UBQLN3: variants seen among roughly 807,000 people sequenced by gnomAD.
UBQLN3 encodes ubiquilin-3.
A neutral mutation model predicts 2.9 loss-of-function variants in UBQLN3; 1 was observed. That is an observed-to-expected ratio of 0.35 (90% CI 0.12 to 1.66). UBQLN3 has a LOEUF of 1.66. UBQLN3 is among the 40% of genes most tolerant of loss of function. The pLI is 0.35. For synonymous variants in UBQLN3, 358 were observed against 317.6 expected (o/e 1.13, Z -1.35); for missense variants, 924 against 816.5 (o/e 1.13, Z -1.61).
rs757904611 is a variant in UBQLN3, at chr11:5,508,329, T to G, written c.1230A>C (p.Pro410=). Reference sequence around the variant, plus strand: ...TCTCTGTGGGGTATCTCAGGAAAGCTGGGCAGGAGGACCTTCCCTTGATTG... The same window carrying G: ...TCTCTGTGGGGTATCTCAGGAAAGCGGGGCAGGAGGACCTTCCCTTGATTG... ...SVAIKGRSSC[P]AFLRYPTENS... is the part of the protein sequence containing the mutation. The change falls in exon 2 of 2, where the codon CCA becomes CCC. Residue 410 remains proline (P), a synonymous_variant. Coordinates refer to ENST00000311659, the MANE Select transcript of UBQLN3 (RefSeq NM_017481.4). The surrounding 1 kb of genome is among the most constrained non-coding windows in gnomAD (Gnocchi z 4.2). 6.2e-7 allele frequency: 1 copy of G among 1,609,372 alleles called. No individual in the cohort carries two copies. The highest frequency in any genetic ancestry group is 2.2e-5 in the East Asian group (1 of 44,754).
chr11:5,508,647 G>C lies in UBQLN3; in HGVS notation c.912C>G (p.Asn304Lys), dbSNP rs991166968. 2.0e-5 allele frequency: 33 copies of C among 1,613,954 alleles called. No individual in the cohort carries two copies. Among genetic ancestry groups the C allele is most frequent in the Non-Finnish European group, 2.5e-5 (30 of 1,180,016 alleles). The change falls in exon 2 of 2, where the codon AAC (asparagine) becomes AAG (lysine). Residue 304 changes from asparagine to lysine, a missense_variant. Coordinates refer to ENST00000311659, the MANE Select transcript of UBQLN3 (RefSeq NM_017481.4). This position sits in a 1 kb window ranked among gnomAD's most constrained non-coding sequence, Gnocchi z 4.2. ...SRMENCDPLPNPWTSTHGGSG... is the reference protein window; with the variant it reads ...SRMENCDPLPKPWTSTHGGSG... The stretch of plus-strand genomic sequence containing the variant: ...AGCCTCCATGTGTGGAAGTCCAGGG[G>C]TTGGGGAGAGGGTCACAATTCTCCA...
rs1846391253 is a variant in UBQLN3 at position 5,507,394 on chromosome 11, ACT to A, written c.*195_*196del. On this transcript the variant is annotated 3_prime_UTR_variant, in exon 2 of 2. Transcript: ENST00000311659. ...AGTGGTATAGTGGTACAAGTGGTTGACTCACACACAGCACCTCCACTATGTTT... is the reference window on the plus strand; with the variant it reads ...AGTGGTATAGTGGTACAAGTGGTTGACACACACAGCACCTCCACTATGTTT... The A allele has an allele frequency of 1.8e-6, 2 of 1,124,276 alleles. No individual in the cohort carries two copies. The highest frequency in any genetic ancestry group is 1.6e-5 in the African/African-American group (1 of 63,662). The allele number at this position is 1,124,276 out of a possible 1,614,324, so 69.6% of individuals were successfully genotyped here. A position where few individuals can be genotyped will look rare whatever the true frequency, so the allele number is the denominator to read the frequency against.
In UBQLN3 at chr11:5,509,194, G is replaced by A; in HGVS notation, c.365C>T (p.Ser122Phe). 1 of 1,614,064 alleles carries A rather than the reference G, an allele frequency of 6.2e-7. No individual in the cohort carries two copies. Among genetic ancestry groups the A allele is most frequent in the Middle Eastern group, 1.6e-4 (1 of 6,062 alleles). The change falls in exon 2 of 2, where the codon TCC becomes TTC. Residue 122 changes from serine (S) to phenylalanine (F), a missense_variant. Transcript: ENST00000311659. ...PSPGSLPQPS[S>F]IYPADGPPAF... ...AGGGGGCCCATCTGCTGGGTAAATGGAGCTTGGCTGAGGGAGTGATCCAGG... is the reference window on the plus strand; with the variant it reads ...AGGGGGCCCATCTGCTGGGTAAATGAAGCTTGGCTGAGGGAGTGATCCAGG...
At position 5,509,150 on chromosome 11, in the gene UBQLN3, G is replaced by A; in HGVS notation, c.409C>T (p.Leu137Phe). 1.2e-6 allele frequency: 2 copies of A among 1,614,104 alleles called. No individual in the cohort carries two copies. Among genetic ancestry groups the A allele is most frequent in the Non-Finnish European group, 1.7e-6 (2 of 1,179,992 alleles). ...AAGCCCAGCCTACTGAGGCCTGTGA[G>A]GAGACCTAAGCTAAAGGCAGGGGGC... ...DGPPAFSLGL[L>F]TGLSRLGLAY... is the part of the protein sequence containing the mutation. The change falls in exon 2 of 2, where the codon CTC becomes TTC. Residue 137 changes from leucine to phenylalanine, a missense_variant. Transcript: ENST00000311659.
In UBQLN3 at chr11:5,508,730, G is replaced by C; in HGVS notation, c.829C>G (p.Pro277Ala). Residue 277 changes from proline to alanine, a missense_variant, in exon 2 of 2, where the codon CCC becomes GCC. Physicochemically the swap from Pro to Ala is conservative, Grantham distance 27 (BLOSUM62 -1). Coordinates refer to ENST00000311659, the MANE Select transcript of UBQLN3 (RefSeq NM_017481.4). The surrounding 1 kb of genome is among the most constrained non-coding windows in gnomAD (Gnocchi z 4.2). ...NAVQEQFGGN[P>A]FATATTDNAT... ...TTATCAGTAGTGGCAGTGGCAAAGG[G>C]ATTGCCGCCAAACTGCTCCTGGACT... The C allele has an allele frequency of 6.2e-7, 1 of 1,613,942 alleles. No individual in the cohort carries two copies. The highest frequency in any genetic ancestry group is 8.5e-7 in the Non-Finnish European group (1 of 1,180,010).
At position 5,509,269 on chromosome 11, in the gene UBQLN3, G is replaced by A. The variant is rs894334963; in HGVS notation, c.290C>T (p.Ala97Val). ...VHLVIKRQHR[A>V]MGNECPAASV... Reference sequence around the variant, plus strand: ...GGCAGCTGGGCACTCATTGCCCATGGCACGGTGCTGCCTCTTGATGACCAG... The same window carrying A: ...GGCAGCTGGGCACTCATTGCCCATGACACGGTGCTGCCTCTTGATGACCAG... The change falls in exon 2 of 2, where the codon GCC (alanine) becomes GTC (valine). Residue 97 changes from alanine to valine, a missense_variant. By Grantham distance (64) the Ala-to-Val change is moderately conservative. Transcript: ENST00000311659. 1.5e-5 allele frequency: 25 copies of A among 1,614,084 alleles called. No homozygotes were observed. The highest frequency in any genetic ancestry group is 1.9e-5 in the Non-Finnish European group (23 of 1,180,046).
In UBQLN3 at chr11:5,508,119, C is replaced by T. The variant is rs780048083; in HGVS notation, c.1440G>A (p.Pro480=). ...GIPEPPWLPS[P]AYPRSLRPDG... The stretch of plus-strand genomic sequence containing the variant: ...CTGGCCTCAGAGATCTTGGATAAGC[C>T]GGGGATGGCAGCCAGGGAGGCTCAG... Residue 480 remains proline, a synonymous_variant, in exon 2 of 2, where the codon CCG becomes CCA. Transcript: ENST00000311659. The surrounding 1 kb of genome is among the most constrained non-coding windows in gnomAD (Gnocchi z 4.2). The T allele has an allele frequency of 9.8e-5, 158 of 1,614,006 alleles. No individual in the cohort carries two copies. The highest frequency in any genetic ancestry group is 1.3e-4 in the Non-Finnish European group (151 of 1,180,038).
rs746307529 is a variant in UBQLN3 at position 5,507,932 on chromosome 11, G to A, written c.1627C>T (p.Leu543Phe). Residue 543 changes from leucine (L) to phenylalanine (F), a missense_variant, in exon 2 of 2, where the codon CTC becomes TTC. Coordinates refer to ENST00000311659, the MANE Select transcript of UBQLN3 (RefSeq NM_017481.4). ...CCTGCTAGGCAAGGCATGAACCAGA[G>A]TAGGAGGCGAGGTGCTTCAGTAGCT... Reference protein sequence around the residue: ...VLATEAPRLLLWFMPCLAGTG... With the variant: ...VLATEAPRLLFWFMPCLAGTG... The A allele has an allele frequency of 8.7e-5, 140 of 1,613,844 alleles. 1 individual carries two copies. Among genetic ancestry groups the A allele is most frequent in the Middle Eastern group, 4.9e-4 (3 of 6,084 alleles).
rs151194720 is a variant in UBQLN3, at chr11:5,508,177, G to T, written c.1382C>A (p.Ser461Tyr). 5.0e-4 allele frequency: 811 copies of T among 1,614,180 alleles called. 1 individual carries two copies. The highest frequency in any genetic ancestry group is 6.6e-4 in the Non-Finnish European group (780 of 1,180,036). The change falls in exon 2 of 2, where the codon TCT (serine) becomes TAT (tyrosine). Residue 461 changes from serine to tyrosine, a missense_variant. By Grantham distance (144) the Ser-to-Tyr change is moderately radical (BLOSUM62 -2). Coordinates refer to ENST00000311659, the MANE Select transcript of UBQLN3 (RefSeq NM_017481.4). The surrounding 1 kb of genome is among the most constrained non-coding windows in gnomAD (Gnocchi z 4.2). The stretch of plus-strand genomic sequence containing the variant: ...AGGAATGGCTGCCGTGGGGGAAAAA[G>T]ATAAGGGAGCAAATGGAACCCTGTT... ...SANRVPFAPLSFSPTAAIPGI... is the reference protein window; with the variant it reads ...SANRVPFAPLYFSPTAAIPGI...
chr11:5,507,524 G>C lies in UBQLN3; in HGVS notation c.*67C>G. 6.6e-7 allele frequency: 1 copy of C among 1,517,378 alleles called. No individual in the cohort carries two copies. The highest frequency in any genetic ancestry group is 8.8e-7 in the Non-Finnish European group (1 of 1,133,694). 94.0% of individuals were successfully genotyped at this position (1,517,378 alleles called of 1,614,324 possible). A position where few individuals can be genotyped will look rare whatever the true frequency, so the allele number is the denominator to read the frequency against. On this transcript the variant is annotated 3_prime_UTR_variant, in exon 2 of 2. Coordinates refer to ENST00000311659, the MANE Select transcript of UBQLN3 (RefSeq NM_017481.4). Reference sequence around the variant, plus strand: ...AATGCAGCTGTATTCAAAAATGGGAGAGCTAGGGAACTAGGATATGGGAAA... The same window carrying C: ...AATGCAGCTGTATTCAAAAATGGGACAGCTAGGGAACTAGGATATGGGAAA...
At position 5,508,658 on chromosome 11, in the gene UBQLN3, G is replaced by A. The variant is rs199563093; in HGVS notation, c.901C>T (p.Pro301Ser). 313 of 1,614,024 alleles carry A rather than the reference G, an allele frequency of 1.9e-4. No homozygotes were observed. The highest frequency in any genetic ancestry group is 2.5e-4 in the Non-Finnish European group (300 of 1,179,990). Reference protein sequence around the residue: ...SQPSRMENCDPLPNPWTSTHG... With the variant: ...SQPSRMENCDSLPNPWTSTHG... The stretch of plus-strand genomic sequence containing the variant: ...GTGGAAGTCCAGGGGTTGGGGAGAG[G>A]GTCACAATTCTCCATCCTTGAAGGT... Residue 301 changes from proline to serine, a missense_variant, in exon 2 of 2, where the codon CCT becomes TCT. Pro to Ser is a moderately conservative substitution (Grantham distance 74). Coordinates refer to ENST00000311659, the MANE Select transcript of UBQLN3 (RefSeq NM_017481.4). This position sits in a 1 kb window ranked among gnomAD's most constrained non-coding sequence, Gnocchi z 4.2.
rs761469787 is a variant in UBQLN3, at chr11:5,507,889, C to T, written c.1670G>A (p.Gly557Glu). The change falls in exon 2 of 2, where the codon GGA becomes GAA. Residue 557 changes from glycine (G) to glutamate (E), a missense_variant. By Grantham distance (98) the Gly-to-Glu change is moderately conservative. Transcript: ENST00000311659. ...GGGATCTTCTCTAGACTCTATACCT[C>T]CTGCCACACTACCCGTCCCTGCTAG... ...PCLAGTGSVA[G>E]GIESREDPLM... is the part of the protein sequence containing the mutation. 2.5e-6 allele frequency: 4 copies of T among 1,613,836 alleles called. No individual in the cohort carries two copies. The highest frequency in any genetic ancestry group is 1.6e-4 in the Middle Eastern group (1 of 6,062).
In UBQLN3 at chr11:5,509,487, C is replaced by CA; in HGVS notation, c.71dup (p.Thr25AspfsTer31). 1 of 1,614,226 alleles carries CA rather than the reference C, an allele frequency of 6.2e-7. No homozygotes were observed. The highest frequency in any genetic ancestry group is 8.5e-7 in the Non-Finnish European group (1 of 1,180,038). ...CCTTGTCTTTGGGCGTCTTCACTGT[C>CA]ACCTTGATGAGGTGGGGATCCTGGA... On this transcript the variant is annotated frameshift_variant, in exon 2 of 2. Transcript: ENST00000311659. LOFTEE classifies it low-confidence loss of function (END_TRUNC).
chr11:5,509,325 C>A lies in UBQLN3; in HGVS notation c.234G>T (p.Gln78His), dbSNP rs747304554. 1.2e-6 allele frequency: 2 copies of A among 1,614,190 alleles called. No individual in the cohort carries two copies. Among genetic ancestry groups the A allele is most frequent in the Non-Finnish European group, 1.7e-6 (2 of 1,180,022 alleles). The change falls in exon 2 of 2, where the codon CAG (glutamine) becomes CAT (histidine). Residue 78 changes from glutamine (Q) to histidine (H), a missense_variant. Transcript: ENST00000311659. ...CAGTGAGGCCATCTCGCACTCCACA[C>A]TGTGCCAGTGAGTCAGGATCCTTGA... ...KILKDPDSLA[Q>H]CGVRDGLTVH...
At position 5,508,107 on chromosome 11, in the gene UBQLN3, T is replaced by A. The variant is rs1018254473; in HGVS notation, c.1452A>T (p.Arg484Ser). The A allele has an allele frequency of 6.2e-7, 1 of 1,614,038 alleles. No homozygotes were observed. Among genetic ancestry groups the A allele is most frequent in the African/African-American group, 1.3e-5 (1 of 74,920 alleles). ...PPWLPSPAYP[R>S]SLRPDGMNPA... ...GATTCATGCCATCTGGCCTCAGAGA[T>A]CTTGGATAAGCCGGGGATGGCAGCC... The change falls in exon 2 of 2, where the codon AGA becomes AGT. Residue 484 changes from arginine to serine, a missense_variant. By Grantham distance (110) the Arg-to-Ser change is moderately radical (BLOSUM62 -1). Coordinates refer to ENST00000311659, the MANE Select transcript of UBQLN3 (RefSeq NM_017481.4). This position sits in a 1 kb window ranked among gnomAD's most constrained non-coding sequence, Gnocchi z 4.2.
Position 5,509,186 on chromosome 11 carries a change from G to A in UBQLN3, c.373C>T (p.Pro125Ser), listed in dbSNP as rs1328389965. 1 of 1,613,986 alleles carries A rather than the reference G, an allele frequency of 6.2e-7. No homozygotes were observed. Among genetic ancestry groups the A allele is most frequent in the South Asian group, 1.1e-5 (1 of 91,066 alleles). The change falls in exon 2 of 2, where the codon CCA becomes TCA. Residue 125 changes from proline to serine, a missense_variant. Coordinates refer to ENST00000311659, the MANE Select transcript of UBQLN3 (RefSeq NM_017481.4). ...CTAAAGGCAGGGGGCCCATCTGCTG[G>A]GTAAATGGAGCTTGGCTGAGGGAGT... ...GSLPQPSSIY[P>S]ADGPPAFSLG...
rs2234445 is a variant in UBQLN3 at position 5,509,067 on chromosome 11, C to T, written c.492G>A (p.Val164=). The change falls in exon 2 of 2, where the codon GTG becomes GTA. Residue 164 remains valine, a synonymous_variant. Transcript: ENST00000311659. ...CAATGAGCTGAGTCACAAACTCAGGCACAGACACATGCTGCCGCATCAGGG... is the reference window on the plus strand; with the variant it reads ...CAATGAGCTGAGTCACAAACTCAGGTACAGACACATGCTGCCGCATCAGGG... ...PSSLMRQHVS[V]PEFVTQLIDD... The T allele has an allele frequency of 6.8e-6, 11 of 1,613,994 alleles. No homozygotes were observed. In the South Asian group the frequency reaches 1.1e-4, roughly 16 times the overall value.
Position 5,509,396 on chromosome 11 carries a change from T to C in UBQLN3, c.163A>G (p.Lys55Glu). Residue 55 changes from lysine to glutamate, a missense_variant, in exon 2 of 2, where the codon AAG becomes GAG. Physicochemically the swap from Lys to Glu is moderately conservative, Grantham distance 56. Coordinates refer to ENST00000311659, the MANE Select transcript of UBQLN3 (RefSeq NM_017481.4). The stretch of plus-strand genomic sequence containing the variant: ...AGAACAAGCTGATCGGGGTGGGCCT[T>C]AAAGCGCTGAGATATCTCTTCCTTC... ...QLKEEISQRFKAHPDQLVLIF... is the reference protein window; with the variant it reads ...QLKEEISQRFEAHPDQLVLIF... 1.9e-6 allele frequency: 3 copies of C among 1,614,212 alleles called. No individual in the cohort carries two copies. Among genetic ancestry groups the C allele is most frequent in the Non-Finnish European group, 2.5e-6 (3 of 1,180,030 alleles).
At position 5,507,668 on chromosome 11, in the gene UBQLN3, G is replaced by T. The variant is rs762207092; in HGVS notation, c.1891C>A (p.Arg631Ser). The T allele has an allele frequency of 1.9e-6, 3 of 1,614,072 alleles. No homozygotes were observed. Among genetic ancestry groups the T allele is most frequent in the Non-Finnish European group, 2.5e-6 (3 of 1,180,016 alleles). ...ATGAGGGCCTGAAGATTGGCTTCAC[G>T]ATTCAGAAAGCCCATGGACCGCAGT... ...EQLRSMGFLNREANLQALIAT... is the reference protein window; with the variant it reads ...EQLRSMGFLNSEANLQALIAT... Residue 631 changes from arginine to serine, a missense_variant, in exon 2 of 2, where the codon CGT becomes AGT. Arg to Ser is a moderately radical substitution (Grantham distance 110, BLOSUM62 -1). Transcript: ENST00000311659.
Sources: allele counts gnomAD v4.1 joint callset, GRCh38; gene constraint gnomAD v4.1.1; non-coding constraint Gnocchi (gnomAD v3.1); transcripts MANE v1.5; gene names NCBI Gene and HGNC (gene_info 2026-07-23, HGNC 2026-07-21).